TUBGCP3: variants seen among roughly 807,000 people sequenced by gnomAD.
TUBGCP3 encodes the protein tubulin gamma complex component 3.
A neutral mutation model predicts 123.1 loss-of-function variants in TUBGCP3; 50 were observed. The observed-to-expected ratio is 0.41, with a 90% confidence interval of 0.32 to 0.51. The LOEUF (loss-of-function observed/expected upper bound fraction) is 0.51, where lower values mean the gene tolerates loss of function less well. Among genes scored for constraint, TUBGCP3 ranks in the 20% least tolerant of loss-of-function variants. The pLI, the probability that TUBGCP3 is intolerant of heterozygous loss-of-function variation, is 0.36. For missense variants in TUBGCP3, 882 were observed against 1,127.0 expected (o/e 0.78, Z 3.11); for synonymous variants, 405 against 413.9 (o/e 0.98, Z 0.26).
At chr13:112,559,291 G>A in intron 4 of TUBGCP3, 31 bp downstream of exon 4, 1 of 1,591,660 alleles carries the variant, frequency 6.3e-7, no homozygotes, top group Non-Finnish European at 8.5e-7. Context: ...TGTCCCGACG[G>A]ACACGACGCT....
At chr13:112,549,761 G>A (rs1255619519) in intron 8 of TUBGCP3, among the ~76,000 whole-genome samples, 6 of 151,832 alleles carry the variant, frequency 4.0e-5, no homozygotes, top group Non-Finnish European at 8.8e-5. Context: ...AGGCCAAGGC[G>A]GGCGGATCAC....
chr13:112,569,963 A>G (rs1243606602), intron 1 of TUBGCP3, among the ~76,000 whole-genome samples: 4 of 152,144 alleles, frequency 2.6e-5, no homozygotes, highest in Admixed American at 2.6e-4. Context: ...TCAAGAAGAA[A>G]TAACAGTTCC....
chr13:112,534,549 A>C (rs9577781), intron 11 of TUBGCP3, among the ~76,000 whole-genome samples: 22,180 of 152,060 alleles, frequency 0.15, 1,924 homozygotes, highest in Non-Finnish European at 0.2. Context: ...TCCGTCTCAA[A>C]AACAAAACAA....
At chr13:112,512,588 A>G (rs1881745933) in intron 17 of TUBGCP3, among the ~76,000 whole-genome samples, 2 of 152,052 alleles carry the variant, frequency 1.3e-5, no homozygotes, top group Non-Finnish European at 2.9e-5. Context: ...ACAAAAAATT[A>G]GCCAGGCGTT....
the TUBGCP3 span, among the ~76,000 whole-genome samples, chr13:112,595,003 G>A: frequency 6.6e-6 from 1 of 152,144 alleles, no homozygotes. Context: ...GTGGGCACCT[G>A]AAAAGAATAT....
At chr13:112,533,007 T>C (rs1877713598) in intron 11 of TUBGCP3, among the ~76,000 whole-genome samples, 2 of 152,176 alleles carry the variant, frequency 1.3e-5, no homozygotes, top group Admixed American at 1.3e-4. Context: ...CATCTTGCAG[T>C]TGCAAATCAG....
chr13:112,544,250 G>A lies in TUBGCP3; in HGVS notation c.1335+1449C>T, dbSNP rs371173537. On this transcript the variant is annotated intron_variant, in intron 11 of 21. Transcript: ENST00000261965. ...GGGCAGATCACAAGGTCAGGAGATC[G>A]AGACCATCCTGGCTAACACAGTGAA... is the stretch of plus-strand genomic sequence containing the variant. Among the ~76,000 whole-genome samples, 5 of 151,894 alleles carry A rather than the reference G, an allele frequency of 3.3e-5. No individual in the cohort carries two copies. The East Asian group carries it at 5.8e-4, about 18-fold the overall frequency.
At chr13:112,555,259 T>C (rs1169419714) in intron 6 of TUBGCP3, among the ~76,000 whole-genome samples, 3 of 152,194 alleles carry the variant, frequency 2.0e-5, no homozygotes, top group Non-Finnish European at 4.4e-5. Context: ...GGACAGAGGC[T>C]GGACGCGGGA....
Position 112,534,957 on chromosome 13 carries a change from C to T in TUBGCP3, c.1336-7473G>A, listed in dbSNP as rs150448847. On this transcript the variant is annotated intron_variant, in intron 11 of 21. Coordinates refer to ENST00000261965, the MANE Select transcript of TUBGCP3 (RefSeq NM_006322.6). Reference sequence around the variant, plus strand: ...CACTCATTCCTCTCTGCCTCCCCAGCCCCAGTCCCTGACAACATTAACTAC... The same window carrying T: ...CACTCATTCCTCTCTGCCTCCCCAGTCCCAGTCCCTGACAACATTAACTAC... Among the ~76,000 whole-genome samples the T allele has an allele frequency of 1.3e-3, 197 of 152,292 alleles. 1 individual carries two copies. The highest frequency in any genetic ancestry group is 4.5e-3 in the African/African-American group (186 of 41,568).
At chr13:112,595,652 A>T in the TUBGCP3 span, among the ~76,000 whole-genome samples, 1 of 151,892 alleles carries the variant, frequency 6.6e-6, no homozygotes, top group Non-Finnish European at 1.5e-5. Flanking sequence ...GATTGTTTGC[A>T]TGGTATATAT....
chr13:112,544,370 G>A (rs950954444), intron 11 of TUBGCP3, among the ~76,000 whole-genome samples: 8 of 149,232 alleles, frequency 5.4e-5, no homozygotes, highest in South Asian at 4.3e-4. Flanking sequence ...GGAGAATGGC[G>A]TGAACATGGG....
chr13:112,530,603 A>G (rs1877495551), intron 11 of TUBGCP3, among the ~76,000 whole-genome samples: 1 of 152,246 alleles, frequency 6.6e-6, no homozygotes, highest in Non-Finnish European at 1.5e-5. Context: ...ACTGCAGGAC[A>G]TGAGTATGTG....
the TUBGCP3 span, among the ~76,000 whole-genome samples, chr13:112,600,254 C>T: frequency 6.6e-6 from 1 of 152,174 alleles, no homozygotes; most frequent in African/African-American, 2.4e-5. Context: ...TCTCATGTCA[C>T]ACTTGATATT....
intron 20 of TUBGCP3, among the ~76,000 whole-genome samples, chr13:112,492,980 A>G (rs1880218619): frequency 6.8e-6 from 1 of 148,000 alleles, no homozygotes; most frequent in Admixed American, 6.7e-5. Flanking sequence ...AGCTTTGGGA[A>G]CGGGGCCTGG....
chr13:112,577,224 GAA>G (rs1054460940), intron 1 of TUBGCP3, among the ~76,000 whole-genome samples: 2 of 152,064 alleles, frequency 1.3e-5, no homozygotes, highest in Non-Finnish European at 2.9e-5. Flanking sequence ...AATACAGGCA[GAA>G]AAAAAGAGTC....
chr13:112,533,780 G>A (rs1350812564), intron 11 of TUBGCP3, among the ~76,000 whole-genome samples: 1 of 145,814 alleles, frequency 6.9e-6, no homozygotes, highest in Non-Finnish European at 1.5e-5. Flanking sequence ...ATAAAGCAGA[G>A]TTCTTTCTAA....
intron 1 of TUBGCP3, among the ~76,000 whole-genome samples, chr13:112,581,192 C>A (rs927245676): frequency 6.6e-6 from 1 of 151,964 alleles, no homozygotes; most frequent in Non-Finnish European, 1.5e-5. Context: ...AGGACTCACA[C>A]CCCCCCATCT....
intron 3 of TUBGCP3, among the ~76,000 whole-genome samples, chr13:112,560,770 G>A (rs531750270): frequency 3.9e-4 from 59 of 152,188 alleles, no homozygotes; most frequent in Non-Finnish European, 7.6e-4. Flanking sequence ...GGTTGACATA[G>A]GCTTTTTCAG....
chr13:112,516,742 C>T (rs893563649), intron 16 of TUBGCP3, among the ~76,000 whole-genome samples, 167 bp from the exon 17 acceptor site: 6 of 152,126 alleles, frequency 3.9e-5, no homozygotes, highest in Admixed American at 2.0e-4. Flanking sequence ...GCCAGTTGTA[C>T]AGATGGGGAA....
Sources: gnomAD v4.1 joint callset for allele counts (sites outside exome capture counted in the v4.1 genomes callset) on GRCh38, gnomAD v4.1.1 for gene constraint, MANE v1.5 for transcripts, NCBI Gene and HGNC (gene_info 2026-07-23, HGNC 2026-07-21) for gene names.